The following AGBL1 variants were observed in gnomAD, a reference collection of about 807,000 sequenced individuals.
The protein encoded by AGBL1 is AGBL carboxypeptidase 1, also known as cytosolic carboxypeptidase 4.
A neutral mutation model predicts 118.9 loss-of-function variants in AGBL1; 130 were observed. That is an observed-to-expected ratio of 1.09 (90% CI 0.95 to 1.26). The LOEUF (loss-of-function observed/expected upper bound fraction) is 1.26, where lower values mean the gene tolerates loss of function less well. Among genes scored for constraint, AGBL1 ranks in the 50% most tolerant of loss-of-function variants. The probability of loss-of-function intolerance (pLI) is 0.00; values close to 1 mark genes in which losing one functional copy is unlikely to be tolerated. For synonymous variants in AGBL1, 555 were observed against 478.9 expected (o/e 1.16, Z -2.08); for missense variants, 1,584 against 1,298.1 (o/e 1.22, Z -3.38).
chr15:86,872,303 G>C (rs907069819), intron 22 of AGBL1, among the ~76,000 whole-genome samples: 1 of 152,196 alleles, frequency 6.6e-6, no homozygotes, highest in East Asian at 1.9e-4. Flanking sequence ...TTCAGGTGGA[G>C]AAAATTGAGA....
intron 22 of AGBL1, among the ~76,000 whole-genome samples, chr15:86,767,723 C>T (rs956240629): frequency 2.0e-5 from 3 of 151,950 alleles, no homozygotes; most frequent in Non-Finnish European, 1.5e-5. Context: ...TCACACAGTT[C>T]ACCAGACTAA....
chr15:86,447,012 C>A (rs772227115), intron 18 of AGBL1, among the ~76,000 whole-genome samples: 1 of 152,174 alleles, frequency 6.6e-6, no homozygotes. Flanking sequence ...AGATCGTATA[C>A]TTTAGAACAA....
chr15:86,584,446 C>T (rs1467682865), intron 21 of AGBL1, among the ~76,000 whole-genome samples: 1 of 152,090 alleles, frequency 6.6e-6, no homozygotes, highest in African/African-American at 2.4e-5. Context: ...AAAGGGAGTA[C>T]TTTCCCCATT....
At chr15:86,208,186 G>A (rs2078027063) in intron 5 of AGBL1, among the ~76,000 whole-genome samples, 1 of 152,126 alleles carries the variant, frequency 6.6e-6, no homozygotes, top group Non-Finnish European at 1.5e-5. Flanking sequence ...GATCATGGTG[G>A]ATAAGCTTTT....
chr15:86,256,762 G>T (rs1032388017), intron 7 of AGBL1, 91 bp from the exon 8 acceptor site: 50 of 1,331,376 alleles, frequency 3.8e-5, no homozygotes, highest in Non-Finnish European at 4.8e-5. Context: ...AGACTGTGCT[G>T]TGTTACAGCT....
intron 22 of AGBL1, among the ~76,000 whole-genome samples, chr15:86,707,419 T>C (rs12443182): frequency 0.34 from 52,156 of 152,046 alleles, 10,290 homozygotes; most frequent in Non-Finnish European, 0.45. Context: ...CATGAAACTG[T>C]GTAGCTTGGC....
At chr15:86,270,092 C>T in intron 14 of AGBL1, 25 bp downstream of exon 14, 1 of 1,596,058 alleles carries the variant, frequency 6.3e-7, no homozygotes. Context: ...GGAGCAGGGG[C>T]TTTCTGGAAC....
intron 18 of AGBL1, among the ~76,000 whole-genome samples, chr15:86,499,714 A>G (rs1325105656): frequency 2.0e-5 from 3 of 152,052 alleles, no homozygotes; most frequent in African/African-American, 7.2e-5. Context: ...GGAGGTATAC[A>G]TTTTAAATGC....
chr15:86,731,525 G>GTC lies in AGBL1; in HGVS notation c.3158+57092_3158+57093dup, dbSNP rs200690715. On this transcript the variant is annotated intron_variant, in intron 22 of 22. Coordinates refer to ENST00000614907, the MANE Select transcript of AGBL1 (RefSeq NM_001386094.1). ...AGGTGATGATTTGCCAAGCAGCAAAGTCTCCAGCTTTGTTCTTCTGGGATT... is the reference window on the plus strand; with the variant it reads ...AGGTGATGATTTGCCAAGCAGCAAAGTCTCTCCAGCTTTGTTCTTCTGGGATT... Among the ~76,000 whole-genome samples, 930 of 152,310 alleles carry GTC rather than the reference G, an allele frequency of 6.1e-3. 9 individuals carry two copies. Among genetic ancestry groups the GTC allele is most frequent in the African/African-American group, 0.021 (882 of 41,566 alleles).
chr15:86,375,587 A>C (rs2081031373), intron 17 of AGBL1, among the ~76,000 whole-genome samples: 1 of 152,134 alleles, frequency 6.6e-6, no homozygotes, highest in Admixed American at 6.5e-5. Flanking sequence ...TTCTGTTCTC[A>C]TGTCATGTTG....
At chr15:86,934,234 T>G (rs1469592110) in intron 23 of AGBL1, among the ~76,000 whole-genome samples, 4 of 152,174 alleles carry the variant, frequency 2.6e-5, no homozygotes, top group Non-Finnish European at 5.9e-5. Flanking sequence ...AGCTTGTGAG[T>G]GCTGTTAACC....
At chr15:86,347,654 C>T (rs1250354594) in intron 17 of AGBL1, among the ~76,000 whole-genome samples, 1 of 152,170 alleles carries the variant, frequency 6.6e-6, no homozygotes, top group East Asian at 1.9e-4. Context: ...CTATAAAATG[C>T]TCTGAATATG....
chr15:86,494,199 AC>A (rs939653483), intron 18 of AGBL1, among the ~76,000 whole-genome samples: 2 of 152,046 alleles, frequency 1.3e-5, no homozygotes, highest in Non-Finnish European at 2.9e-5. Flanking sequence ...TAATCTATCT[AC>A]TTTATTATGT....
At chr15:86,190,161 T>C (rs896515682) in intron 5 of AGBL1, among the ~76,000 whole-genome samples, 3 of 152,178 alleles carry the variant, frequency 2.0e-5, no homozygotes, top group African/African-American at 4.8e-5. Context: ...TTAAAAGTAT[T>C]ATGCACCTTA....
intron 21 of AGBL1, among the ~76,000 whole-genome samples, chr15:86,632,131 G>A (rs2084981492): frequency 6.6e-6 from 1 of 151,562 alleles, no homozygotes; most frequent in Non-Finnish European, 1.5e-5. Context: ...AACCAGGTGT[G>A]GTGGCTCACA....
At chr15:86,821,759 A>G (rs1385990173) in intron 22 of AGBL1, among the ~76,000 whole-genome samples, 1 of 152,150 alleles carries the variant, frequency 6.6e-6, no homozygotes, top group Non-Finnish European at 1.5e-5. Context: ...CTTATTTTGT[A>G]TAATTCTTAA....
intron 21 of AGBL1, among the ~76,000 whole-genome samples, chr15:86,598,615 G>A (rs75037430): frequency 0.025 from 3,767 of 152,116 alleles, 133 homozygotes; most frequent in African/African-American, 0.079. Flanking sequence ...AATGACTTCT[G>A]CCAGAGTTAG....
At chr15:86,506,161 C>T (rs1005644807) in intron 18 of AGBL1, among the ~76,000 whole-genome samples, 2 of 152,054 alleles carry the variant, frequency 1.3e-5, no homozygotes, top group Non-Finnish European at 2.9e-5. Context: ...CTTCTTTAAT[C>T]TTCACTTCCT....
intron 22 of AGBL1, among the ~76,000 whole-genome samples, chr15:86,892,463 G>A (rs1273705421): frequency 2.0e-5 from 3 of 152,060 alleles, no homozygotes; most frequent in African/African-American, 4.8e-5. Context: ...TTGAATCAAG[G>A]GATATAGGAA....
Sources: gnomAD v4.1 joint callset for allele counts (sites outside exome capture counted in the v4.1 genomes callset) on GRCh38, gnomAD v4.1.1 for gene constraint, MANE v1.5 for transcripts, NCBI Gene and HGNC (gene_info 2026-07-23, HGNC 2026-07-21) for gene names.